The following PPP2R2B variants were observed in gnomAD, a reference collection of about 807,000 sequenced individuals.
PPP2R2B encodes serine/threonine-protein phosphatase 2A 55 kDa regulatory subunit B beta isoform.
In PPP2R2B, 5 loss-of-function variants were observed where a neutral mutation model predicts 46.0. The ratio of observed to expected loss-of-function variants is 0.11; its 90% CI spans 0.06 to 0.23. The LOEUF (loss-of-function observed/expected upper bound fraction) is 0.23. Among genes scored for constraint, PPP2R2B ranks in the 10% least tolerant of loss-of-function variants. The pLI is 1.00. For missense variants in PPP2R2B, 367 were observed against 575.0 expected (o/e 0.64, Z 3.70); for synonymous variants, 215 against 206.7 (o/e 1.04, Z -0.34).
At chr5:146,617,601 T>G (rs1033931470) in intron 7 of PPP2R2B, among the ~76,000 whole-genome samples, 6 of 152,004 alleles carry the variant, frequency 3.9e-5, no homozygotes, top group South Asian at 2.1e-4. Flanking sequence ...GTTACAAGAG[T>G]GAGCAAGAGA....
intron 1 of PPP2R2B, among the ~76,000 whole-genome samples, chr5:147,006,281 G>A (rs530509728): frequency 7.9e-5 from 12 of 152,180 alleles, no homozygotes; most frequent in Non-Finnish European, 1.6e-4. Flanking sequence ...AAATCTTAAA[G>A]TACTTACAGA....
intron 1 of PPP2R2B, among the ~76,000 whole-genome samples, chr5:146,917,317 G>T (rs1763426145): frequency 6.6e-6 from 1 of 152,186 alleles, no homozygotes; most frequent in Non-Finnish European, 1.5e-5. Flanking sequence ...CTCAAGAAAT[G>T]CTTGTGTTTT....
chr5:146,689,788 A>T (rs1230905924), intron 5 of PPP2R2B, among the ~76,000 whole-genome samples: 1 of 152,158 alleles, frequency 6.6e-6, no homozygotes, highest in Non-Finnish European at 1.5e-5. Context: ...GTCCACCCAG[A>T]ATGATAAGGT....
intron 1 of PPP2R2B, among the ~76,000 whole-genome samples, chr5:146,894,436 C>CTTTATT (rs1467635444): frequency 1.3e-5 from 2 of 152,064 alleles, no homozygotes; most frequent in Admixed American, 6.6e-5. Context: ...TGCCTCTGGA[C>CTTTATT]TTTATTTTTA....
intron 5 of PPP2R2B, among the ~76,000 whole-genome samples, chr5:146,677,219 C>T (rs1279899484): frequency 1.3e-5 from 2 of 152,152 alleles, no homozygotes; most frequent in Admixed American, 6.5e-5. Context: ...AGAGTTTTCG[C>T]TTTGTATCTG....
At chr5:146,630,418 C>T (rs1176532567) in intron 7 of PPP2R2B, among the ~76,000 whole-genome samples, 1 of 152,178 alleles carries the variant, frequency 6.6e-6, no homozygotes, top group Non-Finnish European at 1.5e-5. Flanking sequence ...AGGCAGAAAC[C>T]AGCAGGTGTT....
At chr5:147,062,996 GA>G (rs1757307252) in intron 2 of PPP2R2B, among the ~76,000 whole-genome samples, 1 of 64,960 alleles carries the variant, frequency 1.5e-5, no homozygotes, top group Non-Finnish European at 2.7e-5. Context: ...GGGAGGGAGG[GA>G]GGGGGGAAGA....
At chr5:147,021,572 G>T (rs769083494) in intron 1 of PPP2R2B, among the ~76,000 whole-genome samples, 1 of 152,176 alleles carries the variant, frequency 6.6e-6, no homozygotes, top group Non-Finnish European at 1.5e-5. Flanking sequence ...CATGTGAGAT[G>T]TTGAAGGGAG....
chr5:147,029,092 T>C (rs1359293750), intron 1 of PPP2R2B, among the ~76,000 whole-genome samples: 2 of 152,224 alleles, frequency 1.3e-5, no homozygotes, highest in African/African-American at 4.8e-5. Flanking sequence ...TTCTACACTG[T>C]GTCTTGCCTT....
chr5:146,980,430 A>C (rs966626720), intron 1 of PPP2R2B, among the ~76,000 whole-genome samples: 3 of 152,148 alleles, frequency 2.0e-5, no homozygotes, highest in Admixed American at 6.6e-5. Context: ...CCTCCCTGCT[A>C]GTCTCATCCA....
At chr5:147,079,141 A>C (rs1313627398) in intron 2 of PPP2R2B, among the ~76,000 whole-genome samples, 1 of 151,892 alleles carries the variant, frequency 6.6e-6, no homozygotes, top group Non-Finnish European at 1.5e-5. Context: ...ATCTTTTGTA[A>C]GGCTCTATTT....
At chr5:146,662,619 T>A (rs1283521137) in intron 5 of PPP2R2B, among the ~76,000 whole-genome samples, 2 of 152,202 alleles carry the variant, frequency 1.3e-5, no homozygotes, top group African/African-American at 4.8e-5. Context: ...CTTTTCTTTA[T>A]AAATTACCCA....
At chr5:146,925,618 A>G (rs1339597110) in intron 1 of PPP2R2B, among the ~76,000 whole-genome samples, 4 of 152,098 alleles carry the variant, frequency 2.6e-5, no homozygotes, top group Non-Finnish European at 5.9e-5. Context: ...TCAAGTGTGG[A>G]TCTATTTGTA....
intron 2 of PPP2R2B, among the ~76,000 whole-genome samples, chr5:146,705,382 G>A (rs1484615431): frequency 6.6e-6 from 1 of 152,138 alleles, no homozygotes. Flanking sequence ...CCAGGTTTGT[G>A]TTGAGAAGGT....
intron 1 of PPP2R2B, among the ~76,000 whole-genome samples, chr5:147,032,543 T>C (rs1314387801): frequency 1.3e-5 from 2 of 151,800 alleles, no homozygotes; most frequent in African/African-American, 2.4e-5. Context: ...CAAAGTCCAC[T>C]GTATCATTCT....
rs1760444727 is a variant in PPP2R2B at position 146,853,046 on chromosome 5, TAA to T, written c.70+24954_70+24955del. Among the ~76,000 whole-genome samples the T allele has an allele frequency of 9.2e-5, 14 of 152,260 alleles. No individual in the cohort carries two copies. The South Asian group carries it at 2.9e-3, about 32-fold the overall frequency. ...GGGGCATGGAGTGATTAACAGAGATTAAAGATCTCAGGAATGTTTGAGAACTT... is the reference window on the plus strand; with the variant it reads ...GGGGCATGGAGTGATTAACAGAGATTAGATCTCAGGAATGTTTGAGAACTT... On this transcript the variant is annotated intron_variant, in intron 2 of 9. Coordinates refer to ENST00000394411, the MANE Select transcript of PPP2R2B (RefSeq NM_181675.4).
chr5:146,875,931 G>A (rs1292609158), intron 2 of PPP2R2B, among the ~76,000 whole-genome samples: 4 of 152,170 alleles, frequency 2.6e-5, no homozygotes, highest in South Asian at 2.1e-4. Context: ...TCCCTGAAAC[G>A]AATAGGTCAA....
intron 5 of PPP2R2B, among the ~76,000 whole-genome samples, chr5:146,678,081 C>T (rs931172627): frequency 3.3e-5 from 5 of 152,214 alleles, no homozygotes; most frequent in African/African-American, 1.2e-4. Flanking sequence ...GGGTTAAAAG[C>T]CATTGCTGTT....
chr5:146,618,881 A>G (rs1773439034), intron 7 of PPP2R2B, among the ~76,000 whole-genome samples: 1 of 151,184 alleles, frequency 6.6e-6, no homozygotes, highest in African/African-American at 2.4e-5. Context: ...CAGAACATGA[A>G]ACGACCGGCA....
Sources: gnomAD v4.1 joint callset for allele counts (sites outside exome capture counted in the v4.1 genomes callset) on GRCh38, gnomAD v4.1.1 for gene constraint, MANE v1.5 for transcripts, NCBI Gene and HGNC (gene_info 2026-07-23, HGNC 2026-07-21) for gene names.